The following RDH8 variants were observed in gnomAD, a reference collection of about 807,000 sequenced individuals.
The protein encoded by RDH8 is photoreceptor outer segment all-trans retinol dehydrogenase.
In RDH8, 14 loss-of-function variants were observed where a neutral mutation model predicts 22.3. That is an observed-to-expected ratio of 0.63 (90% CI 0.42 to 0.98). RDH8 has a LOEUF of 0.98. Ranked by LOEUF, RDH8 falls within the 50% of genes least tolerant of loss-of-function variation. The pLI is 0.00. For synonymous variants in RDH8, 175 were observed against 171.7 expected (o/e 1.02, Z -0.15); for missense variants, 389 against 409.8 (o/e 0.95, Z 0.44).
At chr19:10,021,205 C>G in intron 4 of RDH8, 50 bp from the exon 5 acceptor site, 2 of 1,559,238 alleles carry the variant, frequency 1.3e-6, no homozygotes, top group South Asian at 1.2e-5. Flanking sequence ...CAAAATAGGT[C>G]AGGGAGTGGT....
Position 10,017,033 on chromosome 19 carries a change from C to G in RDH8, c.104-24C>G, listed in dbSNP as rs751068423. 2.2e-5 allele frequency: 34 copies of G among 1,514,330 alleles called. No individual in the cohort carries two copies. In the South Asian group the frequency reaches 3.8e-4, roughly 17 times the overall value. The allele number at this position is 1,514,330 out of a possible 1,614,324, so 93.8% of individuals were successfully genotyped here. A position where few individuals can be genotyped will look rare whatever the true frequency, so the allele number is the denominator to read the frequency against. ...AGGGGAAAGGAGCTCAGTGCCTGTCCCTGCTTTACTCTCTGCCCCGCAGTC... is the reference window on the plus strand; with the variant it reads ...AGGGGAAAGGAGCTCAGTGCCTGTCGCTGCTTTACTCTCTGCCCCGCAGTC... On this transcript the variant is annotated intron_variant, in intron 1 of 5. Transcript: ENST00000591589.
At chr19:10,014,378 A>G (rs2087592627) in intron 1 of RDH8, among the ~76,000 whole-genome samples, 1 of 152,086 alleles carries the variant, frequency 6.6e-6, no homozygotes, top group Non-Finnish European at 1.5e-5. Flanking sequence ...GTGTGTCCCT[A>G]TGGGCGGGCA....
intron 1 of RDH8, among the ~76,000 whole-genome samples, chr19:10,015,984 C>T (rs531052775): frequency 1.3e-3 from 197 of 151,532 alleles, no homozygotes; most frequent in African/African-American, 4.7e-3. Flanking sequence ...ATATATATGG[C>T]TATTCACTTC....
intron 1 of RDH8, among the ~76,000 whole-genome samples, chr19:10,016,313 A>AT (rs59119984): frequency 0.24 from 30,502 of 128,132 alleles, 4,665 homozygotes; most frequent in African/African-American, 0.38. Context: ...CGCCAGGCTA[A>AT]TTTTTTTTTT....
intron 1 of RDH8, among the ~76,000 whole-genome samples, chr19:10,014,633 C>T (rs1020996279): frequency 2.6e-5 from 4 of 152,110 alleles, no homozygotes; most frequent in African/African-American, 7.2e-5. Flanking sequence ...CCACTTCCCA[C>T]GTTCAAGTGA....
intron 3 of RDH8, among the ~76,000 whole-genome samples, chr19:10,020,063 C>G (rs1186331508): frequency 1.3e-5 from 2 of 151,892 alleles, no homozygotes; most frequent in Non-Finnish European, 2.9e-5. Context: ...TTCACTTGAT[C>G]TCAGGAGGCA....
At chr19:10,018,935 G>C (rs2087639656) in intron 3 of RDH8, 25 bp downstream of exon 3, 7 of 1,571,270 alleles carry the variant, frequency 4.5e-6, no homozygotes, top group Non-Finnish European at 5.2e-6. Context: ...CCCAACCCTG[G>C]AAATCCCACC....
chr19:10,022,099 T>C lies in RDH8; in HGVS notation c.*350T>C, dbSNP rs2087667531. The C allele has an allele frequency of 7.2e-6, 2 of 279,416 alleles. No homozygotes were observed. Among genetic ancestry groups the C allele is most frequent in the Admixed American group, 9.7e-5 (2 of 20,560 alleles). 17.3% of individuals were successfully genotyped at this position (279,416 alleles called of 1,614,324 possible). ...TGCTACATTCAACCTCGTGACTTCA[T>C]GATCCTGGGCCTGAGAACACAGGAA... On this transcript the variant is annotated 3_prime_UTR_variant, in exon 6 of 6. Coordinates refer to ENST00000591589, the MANE Select transcript of RDH8 (RefSeq NM_015725.4).
At chr19:10,020,125 C>CA (rs969719273) in intron 3 of RDH8, among the ~76,000 whole-genome samples, 16 of 149,772 alleles carry the variant, frequency 1.1e-4, no homozygotes, top group African/African-American at 1.7e-4. Context: ...TCCCCCCCGC[C>CA]AAAAAAAAAT....
chr19:10,020,111 C>T (rs1286771202), intron 3 of RDH8, among the ~76,000 whole-genome samples: 12 of 151,760 alleles, frequency 7.9e-5, no homozygotes, highest in Admixed American at 3.9e-4. Flanking sequence ...AGTGAGACTC[C>T]GTCTCCCCCC....
At chr19:10,017,319 C>T in intron 2 of RDH8, 104 bp downstream of exon 2, 1 of 1,254,632 alleles carries the variant, frequency 8.0e-7, no homozygotes, top group Non-Finnish European at 1.0e-6. Flanking sequence ...CTTCAGCAAT[C>T]TCTGAACCTG....
At position 10,019,758 on chromosome 19, in the gene RDH8, G is replaced by A. The variant is rs150162661; in HGVS notation, c.442+848G>A. Among the ~76,000 whole-genome samples, 116 of 151,928 alleles carry A rather than the reference G, an allele frequency of 7.6e-4. 2 individuals are homozygous for A. In the East Asian group the frequency reaches 0.02, roughly 27 times the overall value. On this transcript the variant is annotated intron_variant, in intron 3 of 5. Coordinates refer to ENST00000591589, the MANE Select transcript of RDH8 (RefSeq NM_015725.4). Reference sequence around the variant, plus strand: ...AGAGGTTGCAATGAGCTGAGATTGCGCCATTGCACTCCAGCCTGGGCAACA... The same window carrying A: ...AGAGGTTGCAATGAGCTGAGATTGCACCATTGCACTCCAGCCTGGGCAACA...
At chr19:10,015,745 C>G (rs2087608156) in intron 1 of RDH8, among the ~76,000 whole-genome samples, 1 of 151,834 alleles carries the variant, frequency 6.6e-6, no homozygotes, top group Non-Finnish European at 1.5e-5. Context: ...AGGTTCGAGA[C>G]CAGGCTGACC....
intron 1 of RDH8, among the ~76,000 whole-genome samples, chr19:10,014,438 T>C (rs1284122905): frequency 6.6e-6 from 1 of 152,206 alleles, no homozygotes; most frequent in Non-Finnish European, 1.5e-5. Flanking sequence ...GCTTTTACAA[T>C]GCACCAAGCT....
intron 4 of RDH8, 128 bp downstream of exon 4, chr19:10,020,930 G>T: frequency 1.4e-6 from 1 of 731,872 alleles, no homozygotes; most frequent in Non-Finnish European, 2.3e-6. Context: ...CCAGCGTTTT[G>T]AGAGGCTGAA....
Position 10,017,077 on chromosome 19 carries a change from C to A in RDH8, c.124C>A (p.Leu42Met). ...RYQVVATMRD[L>M]GKKETLEAAA... ...CGCAGTCGTGGCCACCATGAGGGAC[C>A]TGGGGAAGAAGGAGACACTGGAGGC... is the stretch of plus-strand genomic sequence containing the variant. The change falls in exon 2 of 6, where the codon CTG (leucine) becomes ATG (methionine). Residue 42 changes from leucine to methionine, a missense_variant. Transcript: ENST00000591589. The A allele has an allele frequency of 1.3e-6, 2 of 1,590,062 alleles. No homozygotes were observed. Among genetic ancestry groups the A allele is most frequent in the Non-Finnish European group, 1.7e-6 (2 of 1,165,218 alleles).
At chr19:10,018,203 C>T (rs1301040043) in intron 2 of RDH8, among the ~76,000 whole-genome samples, 1 of 151,994 alleles carries the variant, frequency 6.6e-6, no homozygotes, top group Non-Finnish European at 1.5e-5. Flanking sequence ...CTTGGCCTCC[C>T]GAAGTGCTGA....
In RDH8 at chr19:10,018,839, C is replaced by T; in HGVS notation, c.371C>T (p.Ala124Val). ...TTCGGAGCTGTCCGTCTCGTCAAAG[C>T]TGTGCTTCCAGGCATGAAGAGGAGG... The part of the protein sequence containing the change: ...NFFGAVRLVK[A>V]VLPGMKRRRQ... The change falls in exon 3 of 6, where the codon GCT becomes GTT. Residue 124 changes from alanine to valine, a missense_variant. Transcript: ENST00000591589. The T allele has an allele frequency of 6.2e-7, 1 of 1,613,932 alleles. No homozygotes were observed. The highest frequency in any genetic ancestry group is 8.5e-7 in the Non-Finnish European group (1 of 1,179,880).
Position 10,017,044 on chromosome 19 carries a change from C to T in RDH8, c.104-13C>T, listed in dbSNP as rs1472088666. ...GCTCAGTGCCTGTCCCTGCTTTACTCTCTGCCCCGCAGTCGTGGCCACCAT... is the reference window on the plus strand; with the variant it reads ...GCTCAGTGCCTGTCCCTGCTTTACTTTCTGCCCCGCAGTCGTGGCCACCAT... On this transcript the variant is annotated splice_polypyrimidine_tract_variant and intron_variant, in intron 1 of 5. Coordinates refer to ENST00000591589, the MANE Select transcript of RDH8 (RefSeq NM_015725.4). 6.5e-7 allele frequency: 1 copy of T among 1,539,610 alleles called. No individual in the cohort carries two copies. Among genetic ancestry groups the T allele is most frequent in the African/African-American group, 1.4e-5 (1 of 73,336 alleles).
Sources: gnomAD v4.1 joint callset for allele counts (sites outside exome capture counted in the v4.1 genomes callset) on GRCh38, gnomAD v4.1.1 for gene constraint, MANE v1.5 for transcripts, NCBI Gene and HGNC (gene_info 2026-07-23, HGNC 2026-07-21) for gene names.